Variants in DPY30 observed in about 807,000 individuals in gnomAD.
DPY30 encodes protein dpy-30 homolog.
DPY30 carries 6 observed loss-of-function variants against 16.2 expected under a neutral mutation model. The observed-to-expected ratio is 0.37, with a 90% confidence interval of 0.20 to 0.73. The LOEUF is 0.73. Ranked by LOEUF, DPY30 falls within the 30% of genes least tolerant of loss-of-function variation. The probability of loss-of-function intolerance (pLI) is 0.51; values close to 1 mark genes in which losing one functional copy is unlikely to be tolerated. For missense variants in DPY30, 73 were observed against 113.1 expected, an observed-to-expected ratio of 0.65 and a Z score of 1.61; for synonymous variants, 39 against 38.8, an observed-to-expected ratio of 1.00 and a Z score of -0.02.
intron 3 of DPY30, among the ~76,000 whole-genome samples, chr2:32,038,647 CTT>C (rs10679637): frequency 1.8e-5 from 2 of 111,244 alleles, no homozygotes; most frequent in Middle Eastern, 6.7e-3. Flanking sequence ...TTATTTTTTA[CTT>C]TTTTTTTTTT....
downstream of DPY30, among the ~76,000 whole-genome samples, chr2:32,019,690 T>C (rs1425969313): frequency 6.6e-6 from 1 of 150,958 alleles, no homozygotes. Context: ...TGTGGTGGTG[T>C]GCGCCTGTAA....
At chr2:32,023,781 T>C (rs1403888179), downstream of DPY30, 2 of 1,305,952 alleles carry the variant, frequency 1.5e-6, no homozygotes, top group Non-Finnish European at 1.0e-6. Flanking sequence ...TATACTTGAC[T>C]GCTGTATTTT....
downstream of DPY30, among the ~76,000 whole-genome samples, chr2:32,022,966 G>T (rs901166237): frequency 6.6e-6 from 1 of 152,110 alleles, no homozygotes; most frequent in African/African-American, 2.4e-5. Flanking sequence ...TGGGCATACA[G>T]GCTATCCTAT....
At chr2:32,020,567 A>G (rs555815370), downstream of DPY30, among the ~76,000 whole-genome samples, 1 of 152,116 alleles carries the variant, frequency 6.6e-6, no homozygotes, top group African/African-American at 2.4e-5. Flanking sequence ...TTGAGGGGTG[A>G]GGAATATGTT....
chr2:32,035,962 A>G lies in DPY30; in HGVS notation c.84+3317T>C, dbSNP rs559829175. Among the ~76,000 whole-genome samples, 3 of 151,848 alleles carry G rather than the reference A, an allele frequency of 2.0e-5. No homozygotes were observed. The East Asian group carries it at 5.8e-4, about 29-fold the overall frequency. On this transcript the variant is annotated intron_variant, in intron 3 of 4. Transcript: ENST00000342166. The stretch of plus-strand genomic sequence containing the variant: ...AAAAAAAAAAAAAAAAAGAAAAAGA[A>G]AAAAGGATAAGTAAACTGATCTTTT...
At chr2:32,023,604 A>G (rs1675231538), downstream of DPY30, 2 of 691,634 alleles carry the variant, frequency 2.9e-6, no homozygotes, top group Admixed American at 2.4e-5. Context: ...AAATGTTGAT[A>G]ACATTAGAAG....
intron 5 of DPY30, among the ~76,000 whole-genome samples, chr2:32,018,291 T>G (rs1675100581): frequency 6.6e-6 from 1 of 152,146 alleles, no homozygotes; most frequent in African/African-American, 2.4e-5. Flanking sequence ...TCCAAAAAAT[T>G]TGAAACTGAA....
At chr2:32,036,735 G>T (rs565456825) in intron 3 of DPY30, among the ~76,000 whole-genome samples, 1 of 149,870 alleles carries the variant, frequency 6.7e-6, no homozygotes, top group Non-Finnish European at 1.5e-5. Flanking sequence ...GGGCATGGTT[G>T]GCGGGTGCCT....
At chr2:32,012,694 T>C (rs1229038973) in intron 5 of DPY30, among the ~76,000 whole-genome samples, 1 of 152,082 alleles carries the variant, frequency 6.6e-6, no homozygotes, top group African/African-American at 2.4e-5. Context: ...GGCCTCGGCC[T>C]CCCAAAGTGC....
At chr2:32,039,353 G>T (rs1050400231) in intron 2 of DPY30, 27 bp from the exon 3 acceptor site, 4 of 1,614,104 alleles carry the variant, frequency 2.5e-6, no homozygotes, top group Non-Finnish European at 3.4e-6. Context: ...CGGTCACAGA[G>T]ATATAAGTCC....
chr2:32,029,909 T>C (rs1675468570), intron 3 of DPY30, among the ~76,000 whole-genome samples, 173 bp from the exon 4 acceptor site: 1 of 152,120 alleles, frequency 6.6e-6, no homozygotes, highest in South Asian at 2.1e-4. Context: ...CATCTTTCAA[T>C]CTCATTCAAG....
intron 5 of DPY30, among the ~76,000 whole-genome samples, chr2:32,015,940 A>G (rs1675056825): frequency 6.6e-6 from 1 of 151,000 alleles, no homozygotes; most frequent in Non-Finnish European, 1.5e-5. Flanking sequence ...TTGCCCAGGG[A>G]GTGCACTGGC....
chr2:32,024,337 C>G (rs531306051), intron 4 of DPY30, 81 bp from the exon 5 acceptor site: 1 of 1,036,170 alleles, frequency 9.7e-7, no homozygotes, highest in East Asian at 2.6e-5. Flanking sequence ...ATAATGAAAA[C>G]TCATCTTTTT....
At chr2:32,031,342 C>G (rs766505470) in intron 3 of DPY30, among the ~76,000 whole-genome samples, 19 of 151,922 alleles carry the variant, frequency 1.3e-4, no homozygotes, top group Non-Finnish European at 2.5e-4. Context: ...ATCGCTTGAA[C>G]CTGGGAGGTG....
intron 5 of DPY30, among the ~76,000 whole-genome samples, chr2:32,012,828 A>C (rs1042247772): frequency 6.6e-6 from 1 of 152,188 alleles, no homozygotes; most frequent in African/African-American, 2.4e-5. Flanking sequence ...GTGATCATTG[A>C]TAAAATGGTA....
chr2:32,016,586 G>A (rs1037244033), intron 5 of DPY30, among the ~76,000 whole-genome samples: 4 of 151,992 alleles, frequency 2.6e-5, no homozygotes, highest in Non-Finnish European at 4.4e-5. Flanking sequence ...TCCTTTAGCT[G>A]CATCAGAACT....
intron 3 of DPY30, among the ~76,000 whole-genome samples, chr2:32,036,670 C>CAA (rs766384887): frequency 9.2e-4 from 65 of 70,430 alleles, no homozygotes; most frequent in Non-Finnish European, 1.6e-3. Context: ...GACTCTGTCT[C>CAA]AAAAAAAAAA....
At chr2:32,038,396 C>T (rs1331626259) in intron 3 of DPY30, among the ~76,000 whole-genome samples, 2 of 103,438 alleles carry the variant, frequency 1.9e-5, no homozygotes, top group African/African-American at 8.3e-5. Context: ...CCACCGCGTC[C>T]GGCCTTATTT....
rs531231532 is a variant in DPY30 at position 32,030,402 on chromosome 2, G to A, written c.85-666C>T. On this transcript the variant is annotated intron_variant, in intron 3 of 4. Transcript: ENST00000342166. ...TCCCAGCACTTTGGGAGGCCGAGGC[G>A]GGCAGATCACGAGATCAGGATATCG... Among the ~76,000 whole-genome samples the A allele has an allele frequency of 1.8e-4, 27 of 152,024 alleles. No individual in the cohort carries two copies. In the East Asian group the frequency reaches 2.9e-3, roughly 16 times the overall value.
Sources: allele counts gnomAD v4.1 joint callset (sites outside exome capture counted in the v4.1 genomes callset), GRCh38; gene constraint gnomAD v4.1.1; transcripts MANE v1.5; gene names NCBI Gene and HGNC (gene_info 2026-07-23, HGNC 2026-07-21).